Variants in DRC8 observed in about 807,000 individuals in gnomAD.
DRC8 encodes the protein dynein regulatory complex subunit 8.
chr1:245,012,725 C>T, the DRC8 span, among the ~76,000 whole-genome samples: 3 of 152,172 alleles, frequency 2.0e-5, no homozygotes, highest in South Asian at 2.1e-4. Flanking sequence ...TCTAAATATA[C>T]ACCTCTTAGA....
the DRC8 span, chr1:245,075,559 C>G: frequency 6.6e-6 from 1 of 152,226 alleles, no homozygotes; most frequent in African/African-American, 2.4e-5. Flanking sequence ...CCTACTCCAC[C>G]TTAATTCTTT....
At chr1:245,092,842 A>G in the DRC8 span, among the ~76,000 whole-genome samples, 2 of 152,180 alleles carry the variant, frequency 1.3e-5, no homozygotes, top group African/African-American at 4.8e-5. Flanking sequence ...GTGAGCCATG[A>G]TTGTACCACT....
At chr1:244,999,056 G>T in the DRC8 span, among the ~76,000 whole-genome samples, 1 of 46,770 alleles carries the variant, frequency 2.1e-5, no homozygotes, top group African/African-American at 9.6e-5. Context: ...TGGATCCTGG[G>T]TCAAAAAAAA....
chr1:245,098,867 C>T, the DRC8 span, among the ~76,000 whole-genome samples: 4 of 152,302 alleles, frequency 2.6e-5, no homozygotes, highest in African/African-American at 4.8e-5. Context: ...CAGCGGAGCC[C>T]GTGTGGCGGC....
the DRC8 span, among the ~76,000 whole-genome samples, chr1:244,983,972 A>G: frequency 6.6e-6 from 1 of 151,396 alleles, no homozygotes; most frequent in African/African-American, 2.4e-5. Flanking sequence ...TTTTTTCTGG[A>G]GAGACAGGGT....
At chr1:245,096,683 G>C in the DRC8 span, among the ~76,000 whole-genome samples, 1 of 152,234 alleles carries the variant, frequency 6.6e-6, no homozygotes, top group Non-Finnish European at 1.5e-5. Flanking sequence ...GAAGTGGCAG[G>C]ATGAACTGCA....
the DRC8 span, among the ~76,000 whole-genome samples, chr1:245,056,717 C>T: frequency 6.6e-6 from 1 of 152,170 alleles, no homozygotes; most frequent in South Asian, 2.1e-4. Flanking sequence ...GTGGGTGGAT[C>T]ACGAGGTCAA....
chr1:245,111,811 G>A, the DRC8 span, among the ~76,000 whole-genome samples: 1 of 152,128 alleles, frequency 6.6e-6, no homozygotes, highest in Non-Finnish European at 1.5e-5. Context: ...TGAGGCAGGA[G>A]GATGACTTGA....
chr1:244,992,648 G>A, the DRC8 span, among the ~76,000 whole-genome samples: 1 of 152,144 alleles, frequency 6.6e-6, no homozygotes, highest in African/African-American at 2.4e-5. Context: ...GCTGAGGCTG[G>A]AGAATCACTT....
At chr1:244,984,017 C>T in the DRC8 span, among the ~76,000 whole-genome samples, 1 of 151,964 alleles carries the variant, frequency 6.6e-6, no homozygotes, top group South Asian at 2.1e-4. Context: ...TGCAGTGGCC[C>T]AATCTTAGCT....
At chr1:245,106,635 G>A in the DRC8 span, among the ~76,000 whole-genome samples, 1 of 152,148 alleles carries the variant, frequency 6.6e-6, no homozygotes, top group Admixed American at 6.5e-5. Context: ...GATATGAACT[G>A]GTTACCAATA....
At chr1:244,990,612 C>G in the DRC8 span, among the ~76,000 whole-genome samples, 1 of 152,148 alleles carries the variant, frequency 6.6e-6, no homozygotes, top group South Asian at 2.1e-4. Context: ...TCGCTGGCTC[C>G]TATGTCACTA....
chr1:245,107,653 G>T, the DRC8 span, among the ~76,000 whole-genome samples: 1 of 152,160 alleles, frequency 6.6e-6, no homozygotes, highest in African/African-American at 2.4e-5. Context: ...TTTGGCAGGG[G>T]CTCCTCCTCC....
At chr1:245,009,485 T>TTTTGTTGGA in the DRC8 span, among the ~76,000 whole-genome samples, 1 of 150,984 alleles carries the variant, frequency 6.6e-6, no homozygotes. Context: ...TTTTTTTTTT[T>TTTTGTTGGA]GAGTTGGAGT....
At chr1:245,094,848 A>G in the DRC8 span, among the ~76,000 whole-genome samples, 1 of 152,242 alleles carries the variant, frequency 6.6e-6, no homozygotes, top group Admixed American at 6.5e-5. Flanking sequence ...CACAGAAGTT[A>G]ACCACCATTA....
chr1:244,970,298 C>T, the DRC8 span: 3,081 of 872,848 alleles, frequency 3.5e-3, 77 homozygotes, highest in African/African-American at 0.046. Flanking sequence ...GGGTCTTCCT[C>T]CCCCGGGATT....
the DRC8 span, among the ~76,000 whole-genome samples, chr1:245,010,681 C>CTTTTTTTTTTTT: frequency 7.9e-6 from 1 of 127,232 alleles, no homozygotes; most frequent in East Asian, 2.3e-4. Flanking sequence ...CTTTTTCTTT[C>CTTTTTTTTTTTT]TTTTTTTTTT....
chr1:245,050,263 G>A, the DRC8 span, among the ~76,000 whole-genome samples: 1 of 151,252 alleles, frequency 6.6e-6, no homozygotes, highest in Non-Finnish European at 1.5e-5. Flanking sequence ...TTTATTAGAC[G>A]GATTTTCGCT....
the DRC8 span, among the ~76,000 whole-genome samples, chr1:245,098,809 G>T: frequency 1.3e-5 from 2 of 152,190 alleles, no homozygotes; most frequent in African/African-American, 4.8e-5. Context: ...GGTCAAGGCC[G>T]GGCCTGACTG....
Sources: allele counts gnomAD v4.1 joint callset (sites outside exome capture counted in the v4.1 genomes callset), GRCh38; gene constraint gnomAD v4.1.1; transcripts MANE v1.5; gene names NCBI Gene and HGNC (gene_info 2026-07-23, HGNC 2026-07-21).